The following MLXIPL variants were observed in gnomAD, a reference collection of about 807,000 sequenced individuals.
The protein encoded by MLXIPL is carbohydrate-responsive element-binding protein.
A neutral mutation model predicts 81.5 loss-of-function variants in MLXIPL; 49 were observed. The ratio of observed to expected loss-of-function variants is 0.60; its 90% confidence interval spans 0.48 to 0.76. The LOEUF (loss-of-function observed/expected upper bound fraction) is 0.76. Ranked by LOEUF, MLXIPL falls within the 30% of genes least tolerant of loss-of-function variation. The pLI, the probability that MLXIPL is intolerant of heterozygous loss-of-function variation, is 0.00. For synonymous variants in MLXIPL, 466 were observed against 485.5 expected, an observed-to-expected ratio of 0.96 and a Z score of 0.53; for missense variants, 1,053 against 1,167.0, an observed-to-expected ratio of 0.90 and a Z score of 1.42.
At position 73,605,854 on chromosome 7, in the gene MLXIPL, C is replaced by A. The variant is rs1435203824; in HGVS notation, c.820+56G>T. 3.2e-6 allele frequency: 5 copies of A among 1,568,744 alleles called. No individual in the cohort carries two copies. The East Asian group carries it at 1.2e-4, about 37-fold the overall frequency. On this transcript the variant is annotated intron_variant, in intron 6 of 16. Coordinates refer to ENST00000313375, the MANE Select transcript of MLXIPL (RefSeq NM_032951.3). Reference sequence around the variant, plus strand: ...CATCCCCAGCCATCCCTCCCTTGGCCTCCTGGAATCTCACAGGCCTTCACC... The same window carrying A: ...CATCCCCAGCCATCCCTCCCTTGGCATCCTGGAATCTCACAGGCCTTCACC...
chr7:73,643,806 T>C, the MLXIPL span, among the ~76,000 whole-genome samples: 7 of 152,286 alleles, frequency 4.6e-5, no homozygotes, highest in African/African-American at 1.7e-4. Flanking sequence ...GTTGCTCTTT[T>C]GCTTAGACTT....
At chr7:73,598,502 C>T (rs1474992786) in intron 8 of MLXIPL, among the ~76,000 whole-genome samples, 1 of 152,122 alleles carries the variant, frequency 6.6e-6, no homozygotes, top group East Asian at 1.9e-4. Context: ...CTCACCTACC[C>T]ATATATCCAC....
intron 2 of MLXIPL, among the ~76,000 whole-genome samples, chr7:73,612,064 G>A (rs1053299155): frequency 6.6e-6 from 1 of 152,140 alleles, no homozygotes; most frequent in Non-Finnish European, 1.5e-5. Context: ...GGTGGCTCAC[G>A]CCTGTAGCCC....
rs1166806013 is a variant in MLXIPL at position 73,607,853 on chromosome 7, C to CTTTTTTTTTTTTT, written c.401-194_401-182dup. 1.0e-3 allele frequency among the ~76,000 whole-genome samples: 112 copies of CTTTTTTTTTTTTT among 110,324 alleles called. 6 individuals carry two copies. Among genetic ancestry groups the CTTTTTTTTTTTTT allele is most frequent in the African/African-American group, 3.1e-3 (83 of 26,620 alleles). The allele number at this position is 110,324 out of a possible 152,430, so 72.4% of individuals were successfully genotyped here. A position where few individuals can be genotyped will look rare whatever the true frequency, so the allele number is the denominator to read the frequency against. ...TGATGCTCTAGCCTCCTAGATCTTCCTTTTTTTTTTTTTTTTTTTGGAGAT... is the reference window on the plus strand; with the variant it reads ...TGATGCTCTAGCCTCCTAGATCTTCCTTTTTTTTTTTTTTTTTTTTTTTTTTTTTTTTGGAGAT... On this transcript the variant is annotated intron_variant, in intron 2 of 16. Transcript: ENST00000313375.
the MLXIPL span, among the ~76,000 whole-genome samples, chr7:73,647,266 A>G: frequency 6.6e-6 from 1 of 151,738 alleles, no homozygotes; most frequent in Non-Finnish European, 1.5e-5. Context: ...CACATACCCC[A>G]CCCTGCCATC....
chr7:73,641,681 T>C, the MLXIPL span, among the ~76,000 whole-genome samples: 127 of 152,246 alleles, frequency 8.3e-4, no homozygotes, highest in African/African-American at 2.8e-3. Flanking sequence ...CAGGCTGGAG[T>C]GCAGTGGCGC....
chr7:73,642,487 G>A, the MLXIPL span, among the ~76,000 whole-genome samples: 25 of 152,038 alleles, frequency 1.6e-4, no homozygotes, highest in Non-Finnish European at 2.9e-4. Context: ...GAGTAGCTGG[G>A]ACTACAGATG....
chr7:73,628,568 T>A (rs1796788254), upstream of MLXIPL, among the ~76,000 whole-genome samples: 1 of 152,028 alleles, frequency 6.6e-6, no homozygotes, highest in Non-Finnish European at 1.5e-5. Flanking sequence ...CAATCATAGC[T>A]CACTGCAGCC....
chr7:73,615,358 A>T (rs1477055670), intron 2 of MLXIPL, among the ~76,000 whole-genome samples: 1 of 152,082 alleles, frequency 6.6e-6, no homozygotes, highest in Non-Finnish European at 1.5e-5. Flanking sequence ...CAGTTTCTCC[A>T]TTTACAAAGT....
intron 1 of MLXIPL, among the ~76,000 whole-genome samples, chr7:73,621,593 C>T (rs1796349110): frequency 1.3e-5 from 2 of 151,958 alleles, no homozygotes; most frequent in African/African-American, 2.4e-5. Context: ...AAACACTGTC[C>T]CAGTTCAAGC....
chr7:73,597,120 C>A, intron 9 of MLXIPL, 62 bp downstream of exon 9: 1 of 1,521,006 alleles, frequency 6.6e-7, no homozygotes, highest in East Asian at 2.4e-5. Flanking sequence ...CCAAAACCCC[C>A]TGTCCTCCCC....
rs1249827671 is a variant in MLXIPL at position 73,623,985 on chromosome 7, A to T, written c.293+215T>A. On this transcript the variant is annotated intron_variant, in intron 1 of 16. Transcript: ENST00000313375. This position sits in a 1 kb window ranked among gnomAD's most constrained non-coding sequence, Gnocchi z 5.7. ...AATGGGGGAGGAATGGGAATCAGAA[A>T]TGCGTGGGTCCGTCAGGGGCCAGCG... Among the ~76,000 whole-genome samples, 1 of 151,710 alleles carries T rather than the reference A, an allele frequency of 6.6e-6. No individual in the cohort carries two copies. The highest frequency in any genetic ancestry group is 2.4e-5 in the African/African-American group (1 of 41,256).
chr7:73,641,498 G>A, the MLXIPL span, among the ~76,000 whole-genome samples: 1 of 152,136 alleles, frequency 6.6e-6, no homozygotes, highest in Non-Finnish European at 1.5e-5. Context: ...ACCAAGATGA[G>A]CCACTGTGCC....
chr7:73,610,554 G>A (rs1245813770), intron 2 of MLXIPL: 2 of 152,224 alleles, frequency 1.3e-5, no homozygotes, highest in African/African-American at 4.8e-5. Flanking sequence ...GCTCACTGCA[G>A]CCTGCACCTC....
At position 73,597,201 on chromosome 7, in the gene MLXIPL, G is replaced by A. The variant is rs782082995; in HGVS notation, c.1584C>T (p.Leu528=). The stretch of plus-strand genomic sequence containing the variant: ...CCTCACCTGCTGTGAGCAGCTGTGT[G>A]AGGCAGGGGTTGTTGCTCCCCGCAG... ...PTTAGSNNPC[L]TQLLTAAKPE... The change falls in exon 9 of 17, where the codon CTC becomes CTT. Residue 528 remains leucine, a synonymous_variant. Transcript: ENST00000313375. 6.2e-7 allele frequency: 1 copy of A among 1,605,456 alleles called. No individual in the cohort carries two copies. The highest frequency in any genetic ancestry group is 1.1e-5 in the South Asian group (1 of 89,804).
the MLXIPL span, among the ~76,000 whole-genome samples, chr7:73,635,699 T>C: frequency 7.2e-5 from 11 of 151,890 alleles, no homozygotes; most frequent in Non-Finnish European, 1.5e-4. Flanking sequence ...TCTATCTCTT[T>C]ATCCACCCAT....
chr7:73,607,217 G>A (rs1017571998), intron 4 of MLXIPL, 114 bp downstream of exon 4: 13 of 1,298,852 alleles, frequency 1.0e-5, no homozygotes, highest in East Asian at 2.5e-5. Flanking sequence ...TGGAGGGCCC[G>A]AGGGGCGCAA....
intron 7 of MLXIPL, among the ~76,000 whole-genome samples, chr7:73,600,416 TG>T (rs1794701079): frequency 1.5e-4 from 1 of 6,558 alleles, no homozygotes; most frequent in Non-Finnish European, 2.7e-4. Context: ...AAGTGGGGTG[TG>T]GGCAAGAGGG....
intron 2 of MLXIPL, among the ~76,000 whole-genome samples, chr7:73,611,820 A>T (rs1554599791): frequency 6.6e-6 from 1 of 151,934 alleles, no homozygotes; most frequent in Non-Finnish European, 1.5e-5. Context: ...TCTCAAAAAA[A>T]AAAAAATAAA....
Sources: gnomAD v4.1 joint callset for allele counts (sites outside exome capture counted in the v4.1 genomes callset) on GRCh38, gnomAD v4.1.1 for gene constraint, Gnocchi (gnomAD v3.1) non-coding constraint, MANE v1.5 for transcripts, NCBI Gene and HGNC (gene_info 2026-07-23, HGNC 2026-07-21) for gene names.